DLGAP2: variants seen among roughly 807,000 people sequenced by gnomAD.
The protein encoded by DLGAP2 is disks large-associated protein 2.
DLGAP2 carries 26 observed loss-of-function variants against 100.3 expected under a neutral mutation model. The ratio of observed to expected loss-of-function variants is 0.26; its 90% confidence interval spans 0.19 to 0.36. The LOEUF is 0.36. DLGAP2 is among the 10% of genes least tolerant of loss of function. The pLI is 1.00. For synonymous variants in DLGAP2, 886 were observed against 630.1 expected, an observed-to-expected ratio of 1.41 and a Z score of -6.08; for missense variants, 1,858 against 1,453.2, an observed-to-expected ratio of 1.28 and a Z score of -4.53.
chr8:1,206,766 C>G (rs889825170), intron 2 of DLGAP2, among the ~76,000 whole-genome samples: 7 of 152,236 alleles, frequency 4.6e-5, no homozygotes, highest in African/African-American at 1.4e-4. Context: ...CTGCCTACCT[C>G]TCTGCCATCG....
At chr8:1,269,575 C>T (rs972588183) in intron 3 of DLGAP2, among the ~76,000 whole-genome samples, 2 of 152,176 alleles carry the variant, frequency 1.3e-5, no homozygotes, top group South Asian at 2.1e-4. Flanking sequence ...TAATTGTGCT[C>T]TCCTCTCTGA....
intron 2 of DLGAP2, among the ~76,000 whole-genome samples, chr8:1,238,740 A>T (rs372703299): frequency 2.2e-5 from 1 of 45,934 alleles, no homozygotes. Context: ...ACATGGCGCC[A>T]TGTCTAGTTC....
Position 1,655,360 on chromosome 8 carries a change from A to G in DLGAP2, c.1811-12969A>G, listed in dbSNP as rs564375728. 1.1e-4 allele frequency among the ~76,000 whole-genome samples: 17 copies of G among 152,324 alleles called. No homozygotes were observed. The East Asian group carries it at 3.3e-3, about 29-fold the overall frequency. ...AGACAGTCATGGGCTTGATGACTGT[A>G]ATTCCTTTTATGCTATCATCCTTGA... On this transcript the variant is annotated intron_variant, in intron 8 of 14. Coordinates refer to ENST00000637795, the MANE Select transcript of DLGAP2 (RefSeq NM_001346810.2).
Position 1,153,823 on chromosome 8 carries a change from A to C in DLGAP2, c.74-105028A>C, listed in dbSNP as rs993383398. Among the ~76,000 whole-genome samples, 4 of 152,146 alleles carry C rather than the reference A, an allele frequency of 2.6e-5. No homozygotes were observed. The East Asian group carries it at 7.7e-4, about 29-fold the overall frequency. On this transcript the variant is annotated intron_variant, in intron 2 of 14. Coordinates refer to ENST00000637795, the MANE Select transcript of DLGAP2 (RefSeq NM_001346810.2). ...GATCTCATTTCAGTGGTAAAATTTC[A>C]CCACCTAAGGTCTTGATAAATGCAT...
chr8:865,570 C>G (rs1797478917), intron 1 of DLGAP2, among the ~76,000 whole-genome samples: 1 of 152,238 alleles, frequency 6.6e-6, no homozygotes, highest in South Asian at 2.1e-4. Flanking sequence ...GCCTTCTCAT[C>G]CTTTTCCTTC....
At chr8:1,366,774 T>A (rs545051238) in intron 3 of DLGAP2, among the ~76,000 whole-genome samples, 8 of 152,096 alleles carry the variant, frequency 5.3e-5, no homozygotes, top group African/African-American at 1.9e-4. Flanking sequence ...CTGTCTCGGG[T>A]CCCCGCAGCA....
At chr8:1,170,596 C>T (rs1158750831) in intron 2 of DLGAP2, among the ~76,000 whole-genome samples, 1 of 136,810 alleles carries the variant, frequency 7.3e-6, no homozygotes, top group Admixed American at 7.4e-5. Flanking sequence ...TCAGCTTCTT[C>T]CTGGTTTAGT....
intron 3 of DLGAP2, among the ~76,000 whole-genome samples, chr8:1,335,915 C>CT (rs1801262524): frequency 6.6e-6 from 1 of 151,494 alleles, no homozygotes; most frequent in African/African-American, 2.4e-5. Context: ...CATCAGGACC[C>CT]TAGAGCCGGG....
At chr8:967,793 A>G (rs1799910218) in intron 2 of DLGAP2, among the ~76,000 whole-genome samples, 1 of 92,550 alleles carries the variant, frequency 1.1e-5, no homozygotes, top group South Asian at 5.1e-4. Flanking sequence ...ATATATATAT[A>G]TACACCTCTT....
intron 8 of DLGAP2, among the ~76,000 whole-genome samples, chr8:1,663,662 G>T (rs1426153071): frequency 6.6e-6 from 1 of 152,166 alleles, no homozygotes; most frequent in Middle Eastern, 3.2e-3. Context: ...TCGACTCACA[G>T]GGGAGGTTTG....
chr8:1,338,161 C>A (rs1487573173), intron 3 of DLGAP2, among the ~76,000 whole-genome samples: 1 of 152,204 alleles, frequency 6.6e-6, no homozygotes, highest in Non-Finnish European at 1.5e-5. Context: ...TACCTTATGA[C>A]CCAGTGTGTG....
intron 2 of DLGAP2, among the ~76,000 whole-genome samples, chr8:956,560 AG>A (rs1298428550): frequency 6.6e-6 from 1 of 152,206 alleles, no homozygotes; most frequent in Non-Finnish European, 1.5e-5. Flanking sequence ...CCAGGGCAGG[AG>A]GGGCCACAGA....
intron 3 of DLGAP2, among the ~76,000 whole-genome samples, chr8:1,360,433 G>T (rs1013736796): frequency 3.3e-5 from 5 of 151,748 alleles, no homozygotes; most frequent in African/African-American, 7.3e-5. Flanking sequence ...TCCTCCAGGT[G>T]CCCTGAGTGT....
intron 6 of DLGAP2, among the ~76,000 whole-genome samples, chr8:1,591,917 G>A (rs735363): frequency 0.34 from 51,287 of 152,094 alleles, 8,756 homozygotes; most frequent in East Asian, 0.51. Context: ...TCCCACCCGG[G>A]GCGGTGGATG....
At chr8:1,600,190 A>G (rs1003997616) in intron 6 of DLGAP2, among the ~76,000 whole-genome samples, 14 of 152,174 alleles carry the variant, frequency 9.2e-5, no homozygotes, top group Admixed American at 8.5e-4. Context: ...AAGAATGTTG[A>G]ATATTGGCAC....
chr8:1,041,397 G>C (rs1326599129), intron 2 of DLGAP2, among the ~76,000 whole-genome samples: 1 of 152,202 alleles, frequency 6.6e-6, no homozygotes, highest in African/African-American at 2.4e-5. Context: ...GCCCTGGCCA[G>C]AGGCACTCGG....
intron 1 of DLGAP2, among the ~76,000 whole-genome samples, chr8:896,167 T>C (rs1584870958): frequency 2.7e-5 from 1 of 36,692 alleles, no homozygotes; most frequent in East Asian, 9.0e-4. Context: ...GCTAGGTAGG[T>C]GTGGGGCAGT....
intron 2 of DLGAP2, among the ~76,000 whole-genome samples, chr8:983,617 G>C (rs976833672): frequency 2.0e-5 from 3 of 152,178 alleles, no homozygotes; most frequent in African/African-American, 4.8e-5. Flanking sequence ...AAGATAAAAA[G>C]AGGTAGCATT....
chr8:799,069 C>T (rs931932577), intron 1 of DLGAP2, among the ~76,000 whole-genome samples: 5 of 152,198 alleles, frequency 3.3e-5, no homozygotes, highest in African/African-American at 1.2e-4. Context: ...GGTCCTGTGC[C>T]CTCCCTCACT....
Sources: allele counts gnomAD v4.1 joint callset (sites outside exome capture counted in the v4.1 genomes callset), GRCh38; gene constraint gnomAD v4.1.1; transcripts MANE v1.5; gene names NCBI Gene and HGNC (gene_info 2026-07-23, HGNC 2026-07-21).